Variants in MARCHF1 observed in about 807,000 individuals in gnomAD.
MARCHF1 encodes membrane associated ring-CH-type finger 1.
In MARCHF1, 40 loss-of-function variants were observed where a neutral mutation model predicts 54.2. The observed-to-expected ratio is 0.74, with a 90% CI of 0.57 to 0.96. MARCHF1 has a LOEUF of 0.96. Ranked by LOEUF, MARCHF1 falls within the 40% of genes least tolerant of loss-of-function variation. The pLI, the probability that MARCHF1 is intolerant of heterozygous loss-of-function variation, is 0.00. For missense variants in MARCHF1, 586 were observed against 656.5 expected (o/e 0.89, Z 1.17); for synonymous variants, 236 against 236.3 (o/e 1.00, Z 0.01).
At chr4:163,931,767 G>C (rs1158094488) in intron 3 of MARCHF1, among the ~76,000 whole-genome samples, 1 of 152,100 alleles carries the variant, frequency 6.6e-6, no homozygotes, top group African/African-American at 2.4e-5. Context: ...TCCTGAAAAA[G>C]AATTCTTCCA....
intron 8 of MARCHF1, among the ~76,000 whole-genome samples, chr4:163,562,560 G>A (rs1384478684): frequency 2.0e-5 from 3 of 151,788 alleles, no homozygotes; most frequent in Admixed American, 2.0e-4. Context: ...CAGTTCCCAG[G>A]CCTTCACCTT....
chr4:163,972,321 C>A (rs1331745970), intron 3 of MARCHF1, among the ~76,000 whole-genome samples: 1 of 152,010 alleles, frequency 6.6e-6, no homozygotes, highest in East Asian at 1.9e-4. Context: ...ACGTTCTGCA[C>A]ATGTATCCCA....
intron 1 of MARCHF1, chr4:164,189,222 T>C (rs115743254): frequency 3.6e-4 from 205 of 567,392 alleles, no homozygotes; most frequent in African/African-American, 2.9e-3. Context: ...GGAAAGACGA[T>C]AGGGCTGTGC....
chr4:163,710,624 A>T (rs1745080069), intron 4 of MARCHF1, among the ~76,000 whole-genome samples: 1 of 152,214 alleles, frequency 6.6e-6, no homozygotes, highest in Non-Finnish European at 1.5e-5. Flanking sequence ...AGAACCAAAG[A>T]CTTTTTTTTT....
chr4:164,176,438 T>C (rs1189644137), intron 1 of MARCHF1, among the ~76,000 whole-genome samples: 1 of 152,150 alleles, frequency 6.6e-6, no homozygotes, highest in African/African-American at 2.4e-5. Flanking sequence ...TTCAGACTGA[T>C]GCATATCACA....
intron 2 of MARCHF1, among the ~76,000 whole-genome samples, chr4:164,015,067 A>G (rs894894423): frequency 2.0e-5 from 3 of 152,158 alleles, no homozygotes; most frequent in Non-Finnish European, 4.4e-5. Flanking sequence ...TATACTACAA[A>G]GCTGTAGTAA....
chr4:164,007,978 C>A (rs1010517441), intron 2 of MARCHF1, among the ~76,000 whole-genome samples: 1 of 152,016 alleles, frequency 6.6e-6, no homozygotes, highest in Admixed American at 6.6e-5. Flanking sequence ...CTATCAATAA[C>A]ACTTATTAAT....
At chr4:163,958,444 A>G (rs1752275191) in intron 3 of MARCHF1, among the ~76,000 whole-genome samples, 1 of 152,044 alleles carries the variant, frequency 6.6e-6, no homozygotes, top group African/African-American at 2.4e-5. Flanking sequence ...GGCATTTAAT[A>G]ATGATTAGTT....
intron 3 of MARCHF1, among the ~76,000 whole-genome samples, chr4:163,874,763 A>G (rs1479683194): frequency 6.6e-6 from 1 of 152,100 alleles, no homozygotes; most frequent in Non-Finnish European, 1.5e-5. Context: ...ACGGTACTTA[A>G]GCTTAGTTTG....
chr4:164,195,220 C>G (rs1465169173), intron 1 of MARCHF1, among the ~76,000 whole-genome samples: 1 of 151,696 alleles, frequency 6.6e-6, no homozygotes, highest in Non-Finnish European at 1.5e-5. Flanking sequence ...TCTACAAGAC[C>G]TAGAAAATTG....
intron 3 of MARCHF1, among the ~76,000 whole-genome samples, chr4:163,940,613 T>C (rs1034957468): frequency 6.6e-6 from 1 of 152,110 alleles, no homozygotes; most frequent in African/African-American, 2.4e-5. Context: ...AAAAGTACTC[T>C]GTTCATAGAC....
intron 4 of MARCHF1, among the ~76,000 whole-genome samples, chr4:163,843,577 C>G (rs528254526): frequency 6.6e-6 from 1 of 151,658 alleles, no homozygotes; most frequent in Non-Finnish European, 1.5e-5. Context: ...GTGCAGGATG[C>G]GCAGGTTTGT....
chr4:163,721,915 T>C (rs976597289), intron 4 of MARCHF1, among the ~76,000 whole-genome samples: 1 of 152,148 alleles, frequency 6.6e-6, no homozygotes, highest in Middle Eastern at 3.2e-3. Flanking sequence ...TTGATGCTTC[T>C]CTCTTTTCCT....
chr4:164,176,964 CT>C (rs1730687530), intron 1 of MARCHF1, among the ~76,000 whole-genome samples: 1,634 of 45,964 alleles, frequency 0.036, 68 homozygotes, highest in South Asian at 0.06. Flanking sequence ...CTCTCTCTCT[CT>C]CTCTCTCTCT....
intron 1 of MARCHF1, among the ~76,000 whole-genome samples, chr4:164,250,198 G>A (rs922561358): frequency 3.3e-5 from 5 of 152,114 alleles, no homozygotes; most frequent in Non-Finnish European, 7.4e-5. Flanking sequence ...GGTGAGTTAT[G>A]TGCATGGTTA....
chr4:163,609,081 C>T (rs1041802579), intron 7 of MARCHF1, among the ~76,000 whole-genome samples: 3 of 152,030 alleles, frequency 2.0e-5, no homozygotes, highest in Non-Finnish European at 4.4e-5. Context: ...TGTGCTAATA[C>T]ATTGTGTTAA....
intron 3 of MARCHF1, among the ~76,000 whole-genome samples, chr4:163,895,010 TAC>T (rs77964904): frequency 0.23 from 27,140 of 118,088 alleles, 5,197 homozygotes; most frequent in East Asian, 0.39. Flanking sequence ...GTGATACACA[TAC>T]ACACACATAT....
At chr4:164,167,064 A>G (rs1181075665) in intron 1 of MARCHF1, among the ~76,000 whole-genome samples, 1 of 151,678 alleles carries the variant, frequency 6.6e-6, no homozygotes, top group Non-Finnish European at 1.5e-5. Context: ...GTGTTTTCTG[A>G]GCCTGCATCA....
At chr4:163,966,498 A>T (rs1579427704) in intron 3 of MARCHF1, among the ~76,000 whole-genome samples, 1 of 152,124 alleles carries the variant, frequency 6.6e-6, no homozygotes, top group Admixed American at 6.6e-5. Context: ...GCATTAAAAA[A>T]TGAATGAGAA....
Sources: gnomAD v4.1 joint callset for allele counts (sites outside exome capture counted in the v4.1 genomes callset) on GRCh38, gnomAD v4.1.1 for gene constraint, MANE v1.5 for transcripts, NCBI Gene and HGNC (gene_info 2026-07-23, HGNC 2026-07-21) for gene names.